Variants in ZNF540 observed in about 807,000 individuals in gnomAD.
The protein encoded by ZNF540 is zinc finger protein 540.
In ZNF540, 3 loss-of-function variants were observed where a neutral mutation model predicts 11.8. The observed-to-expected ratio is 0.25, with a 90% CI of 0.12 to 0.65. The LOEUF (loss-of-function observed/expected upper bound fraction) is 0.65, where lower values mean the gene tolerates loss of function less well. Among genes scored for constraint, ZNF540 ranks in the 30% least tolerant of loss-of-function variants. ZNF540 has a pLI of 0.83. For synonymous variants in ZNF540, 247 were observed against 259.0 expected (o/e 0.95, Z 0.45); for missense variants, 709 against 793.1 (o/e 0.89, Z 1.27).
chr19:37,567,448 ATTCATGGCCTACAAGCCCC>A, intron 1 of ZNF540, among the ~76,000 whole-genome samples: 1 of 152,312 alleles, frequency 6.6e-6, no homozygotes, highest in Non-Finnish European at 1.5e-5. Context: ...CCAAACTCCT[ATTCATGGCCTACAAGCCCC>A]TTTACGATCC....
upstream of ZNF540, among the ~76,000 whole-genome samples, chr19:37,591,857 T>C (rs777279291): frequency 6.6e-6 from 1 of 152,180 alleles, no homozygotes; most frequent in South Asian, 2.1e-4. Flanking sequence ...AACCGTATTT[T>C]AAGATAACCA....
chr19:37,594,255 T>G (rs1168959898), upstream of ZNF540: 1 of 152,198 alleles, frequency 6.6e-6, no homozygotes, highest in African/African-American at 2.4e-5. Flanking sequence ...AACCGCACGA[T>G]TCTCAGCTGG....
At chr19:37,563,487 G>A (rs2042742699) in intron 1 of ZNF540, 1 of 151,466 alleles carries the variant, frequency 6.6e-6, no homozygotes, top group African/African-American at 2.4e-5. Flanking sequence ...TTCCATTTAA[G>A]GCAAATATAT....
chr19:37,565,524 T>G (rs1353207983), intron 1 of ZNF540: 2 of 1,613,740 alleles, frequency 1.2e-6, no homozygotes, highest in Non-Finnish European at 8.5e-7. Context: ...TTCTCACCAC[T>G]ATGAATTCTC....
intron 1 of ZNF540, among the ~76,000 whole-genome samples, chr19:37,578,951 G>C (rs1373980972): frequency 1.3e-5 from 2 of 152,008 alleles, no homozygotes; most frequent in African/African-American, 4.8e-5. Flanking sequence ...GGAAGGGAGG[G>C]AAGGGCAAGC....
chr19:37,612,422 A>G lies in ZNF540; in HGVS notation c.1142A>G (p.Lys381Arg). 6.2e-7 allele frequency: 1 copy of G among 1,614,078 alleles called. No individual in the cohort carries two copies. Residue 381 changes from lysine to arginine, a missense_variant, in exon 5 of 5, where the codon AAA becomes AGA. Coordinates refer to ENST00000316433, the MANE Select transcript of ZNF540 (RefSeq NM_001172225.3). Reference sequence around the variant, plus strand: ...CACAGAAGAACTCATGCAGGTAAGAAACCTTATGAATGTAAGGAGTGTGGG... The same window carrying G: ...CACAGAAGAACTCATGCAGGTAAGAGACCTTATGAATGTAAGGAGTGTGGG... Reference protein sequence around the residue: ...TEHRRTHAGKKPYECKECGKS... With the variant: ...TEHRRTHAGKRPYECKECGKS...
chr19:37,562,099 T>C (rs2042723098), intron 1 of ZNF540, among the ~76,000 whole-genome samples: 1 of 152,216 alleles, frequency 6.6e-6, no homozygotes, highest in Admixed American at 6.5e-5. Context: ...AAAGATAATG[T>C]AGGCCGGGTG....
chr19:37,557,485 G>A (rs1245913553), intron 1 of ZNF540, among the ~76,000 whole-genome samples: 2 of 152,118 alleles, frequency 1.3e-5, no homozygotes, highest in Non-Finnish European at 2.9e-5. Context: ...AGCTTTTTGC[G>A]CTGAGGTGTT....
At chr19:37,593,965 G>T (rs1232507009), upstream of ZNF540, 2 of 152,160 alleles carry the variant, frequency 1.3e-5, no homozygotes, top group African/African-American at 2.4e-5. Flanking sequence ...AAGACTTTCA[G>T]AAGTGCGATA....
Position 37,613,001 on chromosome 19 carries a change from C to T in ZNF540, c.1721C>T (p.Thr574Met), listed in dbSNP as rs1294595028. ...GQFTEHQKIHTGVKPYKCKEC... is the reference protein window; with the variant it reads ...GQFTEHQKIHMGVKPYKCKEC... ...TTCACTGAACATCAGAAAATTCATA[C>T]GGGTGTAAAACCATACAAATGTAAA... Residue 574 changes from threonine (T) to methionine (M), a missense_variant, in exon 5 of 5, where the codon ACG becomes ATG. Coordinates refer to ENST00000316433, the MANE Select transcript of ZNF540 (RefSeq NM_001172225.3). 24 of 1,614,008 alleles carry T rather than the reference C, an allele frequency of 1.5e-5. No homozygotes were observed. The highest frequency in any genetic ancestry group is 4.4e-5 in the South Asian group (4 of 91,090).
intron 2 of ZNF540, 102 bp from the exon 3 acceptor site, chr19:37,599,524 G>C (rs2044022908): frequency 7.0e-6 from 10 of 1,421,886 alleles, no homozygotes; most frequent in Non-Finnish European, 7.8e-6. Context: ...CTAGAGTTTA[G>C]TATAGTACCC....
chr19:37,555,695 A>G, intron 1 of ZNF540: 1 of 592,798 alleles, frequency 1.7e-6, no homozygotes, highest in Non-Finnish European at 3.0e-6. Context: ...TAAAGGCCCG[A>G]TTGGCTTGGG....
intron 1 of ZNF540, among the ~76,000 whole-genome samples, chr19:37,568,928 A>G (rs988528034): frequency 6.6e-6 from 1 of 151,654 alleles, no homozygotes; most frequent in Admixed American, 6.6e-5. Context: ...CTTATCACCA[A>G]CACCACTGCT....
At chr19:37,602,704 T>A (rs1020652878) in intron 4 of ZNF540, among the ~76,000 whole-genome samples, 3 of 152,094 alleles carry the variant, frequency 2.0e-5, no homozygotes, top group Admixed American at 1.3e-4. Flanking sequence ...TGGAGAGTGG[T>A]ACCAAAAAAG....
intron 4 of ZNF540, among the ~76,000 whole-genome samples, chr19:37,606,556 T>C (rs1263418670): frequency 6.6e-6 from 1 of 152,206 alleles, no homozygotes; most frequent in Non-Finnish European, 1.5e-5. Context: ...GCATGAGGGT[T>C]TCTGTTTCTC....
rs776658566 is a variant in ZNF540 at position 37,611,641 on chromosome 19, G to A, written c.361G>A (p.Glu121Lys). ...LRLKGSIFRN[E>K]WQNKSEFEGQ... ...TCTGAAAGGATCCATTTTTAGAAAT[G>A]AGTGGCAGAACAAAAGTGAGTTTGA... Residue 121 changes from glutamate to lysine, a missense_variant, in exon 5 of 5, where the codon GAG becomes AAG. Coordinates refer to ENST00000316433, the MANE Select transcript of ZNF540 (RefSeq NM_001172225.3). The A allele has an allele frequency of 2.5e-6, 4 of 1,613,826 alleles. No individual in the cohort carries two copies. In the African/African-American group the frequency reaches 4.0e-5, roughly 16 times the overall value.
At chr19:37,565,702 C>A in intron 1 of ZNF540, 1 of 1,613,890 alleles carries the variant, frequency 6.2e-7, no homozygotes, top group East Asian at 2.2e-5. Flanking sequence ...TATGAACTCT[C>A]TGATGTTCAG....
chr19:37,595,825 G>T (rs2043987776), intron 1 of ZNF540, among the ~76,000 whole-genome samples: 1 of 152,144 alleles, frequency 6.6e-6, no homozygotes, highest in Non-Finnish European at 1.5e-5. Flanking sequence ...TTTAAATTGT[G>T]TTCAATTTTA....
At chr19:37,564,054 C>T (rs911981965) in intron 1 of ZNF540, 1 of 152,254 alleles carries the variant, frequency 6.6e-6, no homozygotes, top group African/African-American at 2.4e-5. Context: ...TGTGGATTAT[C>T]TGATGCTCAG....
Sources: allele counts gnomAD v4.1 joint callset (sites outside exome capture counted in the v4.1 genomes callset), GRCh38; gene constraint gnomAD v4.1.1; transcripts MANE v1.5; gene names NCBI Gene and HGNC (gene_info 2026-07-23, HGNC 2026-07-21).